The following TCEA1 variants were observed in gnomAD, a reference collection of about 807,000 sequenced individuals.
TCEA1 encodes the protein transcription elongation factor A1, also known as transcription elongation factor A protein 1.
In TCEA1, 21 loss-of-function variants were observed where a neutral mutation model predicts 43.8. The ratio of observed to expected loss-of-function variants is 0.48; its 90% CI spans 0.34 to 0.69. TCEA1 has a LOEUF of 0.69. Ranked by LOEUF, TCEA1 falls within the 30% of genes least tolerant of loss-of-function variation. The pLI is 0.01. For missense variants in TCEA1, 250 were observed against 365.1 expected (o/e 0.68, Z 2.57); for synonymous variants, 104 against 117.5 (o/e 0.88, Z 0.75).
chr8:53,983,793 C>T (rs1018044971), intron 7 of TCEA1, among the ~76,000 whole-genome samples: 6 of 152,150 alleles, frequency 3.9e-5, no homozygotes, highest in Non-Finnish European at 7.4e-5. Flanking sequence ...TACACTAATT[C>T]ATAAAAAGTA....
chr8:54,009,376 G>A (rs1321323768), intron 2 of TCEA1, among the ~76,000 whole-genome samples: 2 of 152,124 alleles, frequency 1.3e-5, no homozygotes, highest in Admixed American at 1.3e-4. Flanking sequence ...CACCCCTCAT[G>A]TTTACTGCAG....
At chr8:54,021,958 G>T (rs956077118) in intron 1 of TCEA1, 105 bp downstream of exon 1, 8 of 1,165,966 alleles carry the variant, frequency 6.9e-6, no homozygotes, top group South Asian at 2.4e-5. Flanking sequence ...GCTCCCAGAC[G>T]GGAGGCTGCA....
At chr8:53,992,627 C>A (rs915201179) in intron 4 of TCEA1, among the ~76,000 whole-genome samples, 2 of 152,126 alleles carry the variant, frequency 1.3e-5, no homozygotes, top group African/African-American at 4.8e-5. Context: ...GGTATCTGGG[C>A]CCCTCCCCAC....
At position 54,022,076 on chromosome 8, in the gene TCEA1, T is replaced by A; in HGVS notation, c.50A>T (p.Gln17Leu). ...RFAKKMDKMV[Q>L]KKNAAGALDL... ...CGCCGCGCTCACCGCGTTCTTCTTC[T>A]GCACCATCTTGTCCATCTTCTTGGC... is the stretch of plus-strand genomic sequence containing the variant. The change falls in exon 1 of 10, where the codon CAG becomes CTG. Residue 17 changes from glutamine to leucine, a missense_variant. Physicochemically the swap from Gln to Leu is moderately radical, Grantham distance 113. This residue lies in a region of TCEA1 where 30 missense variants were observed against 31.8 expected (regional missense o/e 0.94). Coordinates refer to ENST00000521604, the MANE Select transcript of TCEA1 (RefSeq NM_006756.4). 1 of 1,576,636 alleles carries A rather than the reference T, an allele frequency of 6.3e-7. No homozygotes were observed.
At chr8:53,998,739 T>C (rs146740452) in intron 3 of TCEA1, among the ~76,000 whole-genome samples, 97 of 152,250 alleles carry the variant, frequency 6.4e-4, no homozygotes, top group African/African-American at 2.2e-3. Context: ...CAGGTGATAA[T>C]TGATAGTGAA....
At chr8:53,987,676 T>C (rs1329927477) in intron 5 of TCEA1, among the ~76,000 whole-genome samples, 1 of 152,094 alleles carries the variant, frequency 6.6e-6, no homozygotes, top group Non-Finnish European at 1.5e-5. Context: ...TAAATTAAGC[T>C]CCCATATATA....
intron 7 of TCEA1, among the ~76,000 whole-genome samples, chr8:53,979,845 G>A (rs1023968166): frequency 2.6e-5 from 4 of 152,008 alleles, no homozygotes; most frequent in African/African-American, 9.7e-5. Context: ...CAGAACTCAG[G>A]CCCCTCACCC....
chr8:54,021,896 C>G (rs1260225493), intron 1 of TCEA1, 167 bp downstream of exon 1: 2 of 512,580 alleles, frequency 3.9e-6, no homozygotes, highest in Non-Finnish European at 6.3e-6. Context: ...CCGCGGGACC[C>G]GACGCCCCGG....
rs1802998641 is a variant in TCEA1 at position 53,966,753 on chromosome 8, A to C, written c.*1351T>G. On this transcript the variant is annotated 3_prime_UTR_variant, in exon 10 of 10. Coordinates refer to ENST00000521604, the MANE Select transcript of TCEA1 (RefSeq NM_006756.4). ...CAATTCTTAACACGGACATTTAAAA[A>C]TGCTGCTTTCTGTATTACAACAAAA... 9.9e-6 allele frequency: 2 copies of C among 201,252 alleles called. No homozygotes were observed. The highest frequency in any genetic ancestry group is 2.0e-5 in the Non-Finnish European group (2 of 98,056). 12.5% of individuals were successfully genotyped at this position (201,252 alleles called of 1,614,324 possible). A position where few individuals can be genotyped will look rare whatever the true frequency, so the allele number is the denominator to read the frequency against.
At chr8:53,979,733 G>A (rs1803447231) in intron 7 of TCEA1, among the ~76,000 whole-genome samples, 1 of 152,216 alleles carries the variant, frequency 6.6e-6, no homozygotes, top group Non-Finnish European at 1.5e-5. Flanking sequence ...CATGTGGCCA[G>A]AGGACACAAA....
Position 53,993,653 on chromosome 8 carries a change from T to C in TCEA1, c.320+15A>G. ...ATGACTTTCAATATAAATATATGTCTATACTGTGAAGTACCTTTCTTCTCT... is the reference window on the plus strand; with the variant it reads ...ATGACTTTCAATATAAATATATGTCCATACTGTGAAGTACCTTTCTTCTCT... On this transcript the variant is annotated intron_variant, in intron 4 of 9. Coordinates refer to ENST00000521604, the MANE Select transcript of TCEA1 (RefSeq NM_006756.4). 2 of 1,596,978 alleles carry C rather than the reference T, an allele frequency of 1.3e-6. No individual in the cohort carries two copies. The highest frequency in any genetic ancestry group is 2.7e-5 in the African/African-American group (2 of 74,386).
chr8:54,013,687 AAAAAAAAAAAAAAAAC>A (rs1157303348), intron 1 of TCEA1, among the ~76,000 whole-genome samples: 1 of 148,772 alleles, frequency 6.7e-6, no homozygotes, highest in Non-Finnish European at 1.5e-5. Context: ...TCTCAAAAAA[AAAAAAAAAAAAAAAAC>A]AAAAAACAGA....
chr8:54,018,118 T>G (rs763372428), intron 1 of TCEA1, among the ~76,000 whole-genome samples: 4 of 152,250 alleles, frequency 2.6e-5, no homozygotes, highest in Non-Finnish European at 5.9e-5. Flanking sequence ...CTGATATAGA[T>G]ATCAAAGTTT....
At chr8:54,002,472 A>AG (rs989795466) in intron 2 of TCEA1, among the ~76,000 whole-genome samples, 3 of 151,964 alleles carry the variant, frequency 2.0e-5, no homozygotes, top group Admixed American at 6.6e-5. Flanking sequence ...CCGTCTCAAA[A>AG]AAAAAAAGAA....
chr8:53,981,191 G>A (rs1301368218), intron 7 of TCEA1, among the ~76,000 whole-genome samples: 1 of 152,228 alleles, frequency 6.6e-6, no homozygotes, highest in East Asian at 1.9e-4. Context: ...GAAGCAGCAA[G>A]TGCTGATGGA....
At chr8:53,975,187 TAAA>T (rs1477188594) in intron 8 of TCEA1, among the ~76,000 whole-genome samples, 2 of 152,180 alleles carry the variant, frequency 1.3e-5, no homozygotes, top group African/African-American at 4.8e-5. Context: ...GTAGCTAAGT[TAAA>T]AGAAGAGCAT....
At chr8:53,973,265 G>T in intron 8 of TCEA1, 1 of 486,940 alleles carries the variant, frequency 2.1e-6, no homozygotes, top group South Asian at 1.9e-5. Context: ...TATGGAAATG[G>T]AAACGAAGTG....
chr8:54,008,452 T>C (rs1586031524), intron 2 of TCEA1, among the ~76,000 whole-genome samples: 1 of 151,938 alleles, frequency 6.6e-6, no homozygotes, highest in Admixed American at 6.6e-5. Context: ...AAGACCAGCC[T>C]GGGCAACAAA....
intron 8 of TCEA1, chr8:53,978,411 A>C (rs542947152): frequency 2.2e-4 from 33 of 152,352 alleles, no homozygotes; most frequent in African/African-American, 7.9e-4. Context: ...CATCAGTTTT[A>C]AACTGTACAT....
Sources: allele counts gnomAD v4.1 joint callset (sites outside exome capture counted in the v4.1 genomes callset), GRCh38; gene constraint gnomAD v4.1.1; regional missense constraint gnomAD v4.1.1; transcripts MANE v1.5; gene names NCBI Gene and HGNC (gene_info 2026-07-23, HGNC 2026-07-21).